Variants in THEMIS observed in about 807,000 individuals in gnomAD.
THEMIS encodes the protein protein THEMIS.
THEMIS carries 37 observed loss-of-function variants against 52.6 expected under a neutral mutation model. That is an observed-to-expected ratio of 0.70 (90% CI 0.54 to 0.93). The LOEUF is 0.93. THEMIS is among the 40% of genes least tolerant of loss of function. The probability of loss-of-function intolerance (pLI) is 0.00; values close to 1 mark genes in which losing one functional copy is unlikely to be tolerated. For synonymous variants in THEMIS, 292 were observed against 272.7 expected (o/e 1.07, Z -0.70); for missense variants, 808 against 763.1 (o/e 1.06, Z -0.69).
chr6:127,697,774 T>C, the THEMIS span, among the ~76,000 whole-genome samples: 2 of 152,200 alleles, frequency 1.3e-5, no homozygotes, highest in Non-Finnish European at 2.9e-5. Context: ...TTAAGGCTTT[T>C]ACTGCATATC....
chr6:127,778,889 C>G (rs1776652450), intron 4 of THEMIS, among the ~76,000 whole-genome samples: 1 of 146,986 alleles, frequency 6.8e-6, no homozygotes, highest in Admixed American at 6.9e-5. Context: ...AGAAATAATA[C>G]CTATTGGGTT....
chr6:127,849,749 TG>T (rs1243636709), intron 2 of THEMIS, among the ~76,000 whole-genome samples: 1 of 152,056 alleles, frequency 6.6e-6, no homozygotes. Flanking sequence ...CAACTCAAGA[TG>T]GGTCAAAGGT....
intron 4 of THEMIS, among the ~76,000 whole-genome samples, chr6:127,808,823 A>C (rs369823392): frequency 6.6e-6 from 1 of 152,280 alleles, no homozygotes; most frequent in African/African-American, 2.4e-5. Flanking sequence ...TACCTTGGAA[A>C]ACAATTCTTT....
chr6:127,859,689 G>T (rs116741537), intron 1 of THEMIS, among the ~76,000 whole-genome samples: 2 of 152,080 alleles, frequency 1.3e-5, no homozygotes, highest in East Asian at 3.9e-4. Context: ...GTATATACAA[G>T]CTGACTATGT....
In THEMIS at chr6:127,866,219, AGATT is replaced by A. The variant is rs1164862033; in HGVS notation, c.92-11035_92-11032del. On this transcript the variant is annotated intron_variant, in intron 1 of 5. Transcript: ENST00000368248. ...AGTCTTTAATCGAAAGAATAAAGAT[AGATT>A]AATGATTTAGTTTGTTCTTAAAATA... Among the ~76,000 whole-genome samples, 15 of 152,198 alleles carry A rather than the reference AGATT, an allele frequency of 9.9e-5. No homozygotes were observed. The South Asian group carries it at 1.0e-3, about 11-fold the overall frequency.
At chr6:127,803,985 C>T (rs1376673834) in intron 4 of THEMIS, among the ~76,000 whole-genome samples, 2 of 152,120 alleles carry the variant, frequency 1.3e-5, no homozygotes, top group Non-Finnish European at 1.5e-5. Context: ...AAAAATATGA[C>T]ACCATTTCTG....
the THEMIS span, among the ~76,000 whole-genome samples, chr6:127,700,429 C>A: frequency 6.6e-6 from 1 of 151,824 alleles, no homozygotes; most frequent in East Asian, 1.9e-4. Flanking sequence ...ATATCATATG[C>A]ATTAAGTACC....
chr6:127,751,893 T>C (rs1367385070), intron 4 of THEMIS, among the ~76,000 whole-genome samples: 2 of 151,666 alleles, frequency 1.3e-5, no homozygotes, highest in South Asian at 2.1e-4. Context: ...CAGCAAAATA[T>C]GTATTTTTCA....
rs369258378 is a variant in THEMIS at position 127,854,984 on chromosome 6, T to C, written c.250+46A>G. ...TTGGTTGTGTATATATACATATTAA[T>C]AACAATATAGTTGTACAAATGATAA... On this transcript the variant is annotated intron_variant, in intron 2 of 5. Transcript: ENST00000368248. The C allele has an allele frequency of 1.8e-5, 27 of 1,503,968 alleles. No individual in the cohort carries two copies. The African/African-American group carries it at 3.3e-4, about 18-fold the overall frequency. 93.2% of individuals were successfully genotyped at this position (1,503,968 alleles called of 1,614,324 possible).
At chr6:127,883,556 T>A (rs933331265) in intron 1 of THEMIS, among the ~76,000 whole-genome samples, 4 of 151,970 alleles carry the variant, frequency 2.6e-5, no homozygotes, top group African/African-American at 9.7e-5. Flanking sequence ...ACATATAAAA[T>A]ATATATACAG....
intron 4 of THEMIS, among the ~76,000 whole-genome samples, chr6:127,766,816 T>C (rs1478438810): frequency 6.6e-6 from 1 of 152,166 alleles, no homozygotes; most frequent in African/African-American, 2.4e-5. Context: ...TGAATGAAAT[T>C]TGAAGGACTG....
At chr6:127,781,620 T>C (rs1776746815) in intron 4 of THEMIS, among the ~76,000 whole-genome samples, 1 of 152,122 alleles carries the variant, frequency 6.6e-6, no homozygotes. Flanking sequence ...TTCCTTTCTG[T>C]TTGTTATTTT....
chr6:127,913,075 C>T (rs745613873), intron 1 of THEMIS, among the ~76,000 whole-genome samples: 6 of 152,136 alleles, frequency 3.9e-5, no homozygotes, highest in South Asian at 2.1e-4. Flanking sequence ...GCCTGAATGA[C>T]ATCAGTGGCC....
chr6:127,878,641 A>G (rs149169180), intron 1 of THEMIS, among the ~76,000 whole-genome samples: 1 of 152,318 alleles, frequency 6.6e-6, no homozygotes, highest in African/African-American at 2.4e-5. Flanking sequence ...GTTGGGACCA[A>G]AAGTCATTTT....
chr6:127,787,874 GAT>G (rs369470015), intron 4 of THEMIS, among the ~76,000 whole-genome samples: 2 of 131,188 alleles, frequency 1.5e-5, no homozygotes, highest in South Asian at 4.8e-4. Flanking sequence ...TAGATAGATA[GAT>G]AGATATAGAT....
chr6:127,728,641 G>A (rs1290603040), intron 4 of THEMIS, among the ~76,000 whole-genome samples: 3 of 152,188 alleles, frequency 2.0e-5, no homozygotes, highest in Non-Finnish European at 4.4e-5. Context: ...AAAGGTAAAG[G>A]TATTGGGGAT....
chr6:127,857,476 G>C (rs1244604758), intron 1 of THEMIS, among the ~76,000 whole-genome samples: 1 of 152,014 alleles, frequency 6.6e-6, no homozygotes, highest in Non-Finnish European at 1.5e-5. Flanking sequence ...TAAAAACAGA[G>C]ACTAGGGAAG....
At chr6:127,717,727 A>G (rs942448372) in intron 5 of THEMIS, among the ~76,000 whole-genome samples, 2 of 151,904 alleles carry the variant, frequency 1.3e-5, no homozygotes, top group Non-Finnish European at 2.9e-5. Flanking sequence ...TACATATTTG[A>G]AAAGGTTCCA....
intron 1 of THEMIS, among the ~76,000 whole-genome samples, chr6:127,885,896 CAT>C (rs1780629878): frequency 6.6e-6 from 1 of 151,982 alleles, no homozygotes; most frequent in East Asian, 1.9e-4. Flanking sequence ...TCTCTAAATT[CAT>C]AGTTAAGAAA....
Sources: allele counts gnomAD v4.1 joint callset (sites outside exome capture counted in the v4.1 genomes callset), GRCh38; gene constraint gnomAD v4.1.1; transcripts MANE v1.5; gene names NCBI Gene and HGNC (gene_info 2026-07-23, HGNC 2026-07-21).